The following GREB1 variants were observed in gnomAD, a reference collection of about 807,000 sequenced individuals.
The protein encoded by GREB1 is protein GREB1.
GREB1 carries 106 observed loss-of-function variants against 200.7 expected under a neutral mutation model. That is an observed-to-expected ratio of 0.53 (90% CI 0.45 to 0.62). The LOEUF (loss-of-function observed/expected upper bound fraction) is 0.62. Ranked by LOEUF, GREB1 falls within the 20% of genes least tolerant of loss-of-function variation. The probability of loss-of-function intolerance (pLI) is 0.00; values close to 1 mark genes in which losing one functional copy is unlikely to be tolerated. For synonymous variants in GREB1, 1,132 were observed against 1,092.4 expected, an observed-to-expected ratio of 1.04 and a Z score of -0.72; for missense variants, 2,243 against 2,556.8, an observed-to-expected ratio of 0.88 and a Z score of 2.65.
At position 11,580,709 on chromosome 2, in the gene GREB1, G is replaced by C; in HGVS notation, c.778G>C (p.Ala260Pro). 1 of 1,610,326 alleles carries C rather than the reference G, an allele frequency of 6.2e-7. No homozygotes were observed. Residue 260 changes from alanine to proline, a missense_variant, in exon 7 of 33, where the codon GCT becomes CCT. Around this residue, in one of 3 missense-constraint regions of GREB1, gnomAD observed 1,178 missense variants for 1,387.4 expected, o/e 0.85. Coordinates refer to ENST00000381486, the MANE Select transcript of GREB1 (RefSeq NM_014668.4). This position sits in a 1 kb window ranked among gnomAD's most constrained non-coding sequence, Gnocchi z 4.5. Reference sequence around the variant, plus strand: ...TGCCTTCTATCTGTTTTCAGGACCAGCTTCTGATCACCCCTCACTAAACGC... The same window carrying C: ...TGCCTTCTATCTGTTTTCAGGACCACCTTCTGATCACCCCTCACTAAACGC... ...ILMGAQQAGP[A>P]SDHPSLNAAM...
chr2:11,524,695 A>G (rs976616083), intron 1 of GREB1, among the ~76,000 whole-genome samples: 1 of 152,146 alleles, frequency 6.6e-6, no homozygotes, highest in African/African-American at 2.4e-5. Flanking sequence ...CACATCAGTC[A>G]TCTTCTCTTC....
chr2:11,640,254 C>T lies in GREB1; in HGVS notation c.5687-37C>T, dbSNP rs749544295. On this transcript the variant is annotated intron_variant, in intron 32 of 32. Coordinates refer to ENST00000381486, the MANE Select transcript of GREB1 (RefSeq NM_014668.4). The surrounding 1 kb of genome is among the most constrained non-coding windows in gnomAD (Gnocchi z 4.6). ...GCCGCTTTCCTCTGGATAAACTCAC[C>T]TTTTCCCTTCCCACACCTCTGCCGT... 6.3e-7 allele frequency: 1 copy of T among 1,586,460 alleles called. No individual in the cohort carries two copies. The highest frequency in any genetic ancestry group is 8.6e-7 in the Non-Finnish European group (1 of 1,165,822).
chr2:11,573,210 A>C (rs910235174), intron 4 of GREB1, among the ~76,000 whole-genome samples: 12 of 152,218 alleles, frequency 7.9e-5, no homozygotes, highest in African/African-American at 2.9e-4. Flanking sequence ...AGGCTTCCTC[A>C]GTGGCCAGCA....
At chr2:11,624,341 C>CTTTTT (rs70955810) in intron 23 of GREB1, among the ~76,000 whole-genome samples, 4 of 111,106 alleles carry the variant, frequency 3.6e-5, no homozygotes, top group African/African-American at 1.0e-4. Flanking sequence ...TACACAAATT[C>CTTTTT]TTTTTTTTTT....
chr2:11,582,818 T>G (rs1201089882), intron 7 of GREB1, among the ~76,000 whole-genome samples: 1 of 152,212 alleles, frequency 6.6e-6, no homozygotes, highest in Non-Finnish European at 1.5e-5. Flanking sequence ...TTTAAGAAAC[T>G]GCGTCTAATA....
chr2:11,542,500 G>A (rs545387632), intron 1 of GREB1, among the ~76,000 whole-genome samples: 15 of 152,090 alleles, frequency 9.9e-5, no homozygotes, highest in Non-Finnish European at 1.9e-4. Flanking sequence ...GGGGAGATGG[G>A]TGAGCTTCCT....
At position 11,615,305 on chromosome 2, in the gene GREB1, C is replaced by T. The variant is rs931402786; in HGVS notation, c.3322+15C>T. On this transcript the variant is annotated intron_variant, in intron 20 of 32. Transcript: ENST00000381486. ...GGGGACAGAAGGTGAGGGATGGCTG[C>T]CCTCAGCCTACTTGTCCCTGTCTGC... 4 of 1,561,162 alleles carry T rather than the reference C, an allele frequency of 2.6e-6. No homozygotes were observed. Among genetic ancestry groups the T allele is most frequent in the Non-Finnish European group, 3.5e-6 (4 of 1,150,166 alleles).
rs1678859486 is a variant in GREB1 at position 11,576,383 on chromosome 2, A to T, written c.485A>T (p.Lys162Met). The T allele has an allele frequency of 6.2e-7, 1 of 1,613,824 alleles. No homozygotes were observed. The highest frequency in any genetic ancestry group is 8.5e-7 in the Non-Finnish European group (1 of 1,179,922). The change falls in exon 5 of 33, where the codon AAG becomes ATG. Residue 162 changes from lysine to methionine, a missense_variant. Coordinates refer to ENST00000381486, the MANE Select transcript of GREB1 (RefSeq NM_014668.4). ...TCTGGGAATTGTGTTGGCTGTGGAA[A>T]GAAAGGCTTCTGTTACTTCACGGAA... ...GFSGNCVGCGKKGFCYFTEFS... is the reference protein window; with the variant it reads ...GFSGNCVGCGMKGFCYFTEFS...
intron 2 of GREB1, among the ~76,000 whole-genome samples, chr2:11,557,543 C>T (rs1455886139): frequency 6.6e-6 from 1 of 152,178 alleles, no homozygotes; most frequent in East Asian, 1.9e-4. Context: ...GGTGGTCTTG[C>T]TGTGCGTGAG....
At chr2:11,612,686 G>T in intron 19 of GREB1, 76 bp downstream of exon 19, 1 of 903,924 alleles carries the variant, frequency 1.1e-6, no homozygotes, top group South Asian at 1.4e-5. Flanking sequence ...CATGTCAGGG[G>T]GGCTGCTGTG....
At position 11,638,684 on chromosome 2, in the gene GREB1, A is replaced by T; in HGVS notation, c.5561A>T (p.Tyr1854Phe). The T allele has an allele frequency of 6.2e-7, 1 of 1,612,920 alleles. No homozygotes were observed. The change falls in exon 32 of 33, where the codon TAT becomes TTT. Residue 1854 changes from tyrosine (Y) to phenylalanine (F), a missense_variant. Tyr to Phe is a conservative substitution (Grantham distance 22). Coordinates refer to ENST00000381486, the MANE Select transcript of GREB1 (RefSeq NM_014668.4). ...CTTCTTTTTCAGATTTCTGTTTGCT[A>T]TGTGAGCTCCAGGCCCCACTCTTTA... Reference protein sequence around the residue: ...LNLGSQISVCYVSSRPHSLNI... With the variant: ...LNLGSQISVCFVSSRPHSLNI...
intron 13 of GREB1, among the ~76,000 whole-genome samples, chr2:11,596,824 G>A (rs1681300421): frequency 7.5e-6 from 1 of 134,032 alleles, no homozygotes; most frequent in Non-Finnish European, 1.6e-5. Flanking sequence ...GATTGCAGGT[G>A]TGTACAGTGA....
In GREB1 at chr2:11,493,280, T is replaced by G. The variant is rs112935755; in HGVS notation, c.-159+10899T>G. Among the ~76,000 whole-genome samples, 1,333 of 152,272 alleles carry G rather than the reference T, an allele frequency of 8.8e-3. 27 individuals carry two copies. Among genetic ancestry groups the G allele is most frequent in the African/African-American group, 0.03 (1,253 of 41,538 alleles). The stretch of plus-strand genomic sequence containing the variant: ...ACCTTTTTGGCACCAGGGTCCAGTT[T>G]CATGGAAGACAATTTTTCCACAGAC... On this transcript the variant is annotated intron_variant, in intron 1 of 2. Transcript: ENST00000628795. This position sits in a 1 kb window ranked among gnomAD's most constrained non-coding sequence, Gnocchi z 4.6.
rs1327887188 is a variant in GREB1 at position 11,592,951 on chromosome 2, G to A, written c.1521G>A (p.Leu507=). ...TSAQLPWLAS[L]AASSCNDSVH... ...CGCAGCTGCCCTGGCTGGCCAGCCT[G>A]GCCGCCAGCTCCTGCAACGACAGCG... Residue 507 remains leucine, a synonymous_variant, in exon 11 of 33, where the codon CTG becomes CTA. Coordinates refer to ENST00000381486, the MANE Select transcript of GREB1 (RefSeq NM_014668.4). 1.9e-6 allele frequency: 3 copies of A among 1,588,622 alleles called. No homozygotes were observed. The highest frequency in any genetic ancestry group is 2.6e-6 in the Non-Finnish European group (3 of 1,166,634).
intron 17 of GREB1, among the ~76,000 whole-genome samples, chr2:11,607,512 G>GTACATACATATATATACACATATATA (rs1430388646): frequency 8.4e-6 from 1 of 119,368 alleles, no homozygotes; most frequent in African/African-American, 3.4e-5. Flanking sequence ...ATACATATAT[G>GTACATACATATATATACACATATATA]TACATACATA....
At chr2:11,604,394 T>C (rs1490573469) in intron 17 of GREB1, among the ~76,000 whole-genome samples, 1 of 152,186 alleles carries the variant, frequency 6.6e-6, no homozygotes, top group Non-Finnish European at 1.5e-5. Flanking sequence ...TTCATACACC[T>C]AAAGCTTTGG....
chr2:11,504,826 C>T (rs1673137713), intron 1 of GREB1, among the ~76,000 whole-genome samples: 2 of 152,246 alleles, frequency 1.3e-5, no homozygotes, highest in Non-Finnish European at 2.9e-5. Flanking sequence ...CATTCCTACA[C>T]TATTCATTGA....
chr2:11,545,118 C>T (rs1344390597), intron 1 of GREB1, among the ~76,000 whole-genome samples: 2 of 151,802 alleles, frequency 1.3e-5, no homozygotes, highest in Non-Finnish European at 2.9e-5. Context: ...CCGGCCTGCT[C>T]TCGGTTTTCT....
chr2:11,483,933 G>T (rs1444463182), intron 1 of GREB1, among the ~76,000 whole-genome samples: 1 of 152,176 alleles, frequency 6.6e-6, no homozygotes, highest in African/African-American at 2.4e-5. Flanking sequence ...GGGCTTGAAA[G>T]ACTTTTTATT....
Sources: allele counts gnomAD v4.1 joint callset (sites outside exome capture counted in the v4.1 genomes callset), GRCh38; gene constraint gnomAD v4.1.1; regional missense constraint gnomAD v4.1.1; non-coding constraint Gnocchi (gnomAD v3.1); transcripts MANE v1.5; gene names NCBI Gene and HGNC (gene_info 2026-07-23, HGNC 2026-07-21).